The following MTO1 variants were observed in gnomAD, a reference collection of about 807,000 sequenced individuals.
MTO1 encodes 5-taurinomethyluridine-[tRNA] synthase subunit MTO1, mitochondrial.
In MTO1, 46 loss-of-function variants were observed where a neutral mutation model predicts 71.6. That is an observed-to-expected ratio of 0.64 (90% CI 0.51 to 0.82). The LOEUF is 0.82. MTO1 is among the 40% of genes least tolerant of loss of function. MTO1 has a pLI of 0.00. For missense variants in MTO1, 773 were observed against 867.5 expected, an observed-to-expected ratio of 0.89 and a Z score of 1.37; for synonymous variants, 297 against 312.1, an observed-to-expected ratio of 0.95 and a Z score of 0.51.
chr6:73,493,633 C>T (rs1251419948), intron 10 of MTO1, among the ~76,000 whole-genome samples: 6 of 150,786 alleles, frequency 4.0e-5, no homozygotes, highest in African/African-American at 1.2e-4. Flanking sequence ...TCAGGTGATC[C>T]GCCCGCCTTG....
At position 73,505,647 on chromosome 6, in the gene MTO1, C is replaced by T. The variant is rs868680439; in HGVS notation, c.*4912C>T. The T allele has an allele frequency of 6.6e-6, 1 of 152,122 alleles. No individual in the cohort carries two copies. Among genetic ancestry groups the T allele is most frequent in the South Asian group, 2.1e-4 (1 of 4,826 alleles). The allele number at this position is 152,122 out of a possible 1,614,324, so 9.4% of individuals were successfully genotyped here. On this transcript the variant is annotated 3_prime_UTR_variant, in exon 12 of 12. Transcript: ENST00000498286. ...CTTGGTTCACTGCAACCTCTGCCTC[C>T]TAGGTTCAAATGATTCTTCTGCCTC...
In MTO1 at chr6:73,466,268, G is replaced by A. The variant is rs1770984368; in HGVS notation, c.277G>A (p.Val93Ile). Residue 93 changes from valine (V) to isoleucine (I), a missense_variant, in exon 2 of 12, where the codon GTA becomes ATA. By Grantham distance (29) the Val-to-Ile change is conservative. Coordinates refer to ENST00000498286, the MANE Select transcript of MTO1 (RefSeq NM_012123.4). Reference sequence around the variant, plus strand: ...CGGAAAGGGACATTTAATGAGGGAAGTAGATGCCTTGGATGGCCTGTGTTC... The same window carrying A: ...CGGAAAGGGACATTTAATGAGGGAAATAGATGCCTTGGATGGCCTGTGTTC... ...GIGKGHLMRE[V>I]DALDGLCSRI... The A allele has an allele frequency of 3.1e-6, 5 of 1,614,014 alleles. No individual in the cohort carries two copies. The highest frequency in any genetic ancestry group is 3.4e-6 in the Non-Finnish European group (4 of 1,179,978).
chr6:73,478,581 A>G (rs1771398318), intron 4 of MTO1, among the ~76,000 whole-genome samples: 1 of 152,184 alleles, frequency 6.6e-6, no homozygotes, highest in Non-Finnish European at 1.5e-5. Context: ...TGCCCAGGCT[A>G]GAGTGCAATG....
intron 11 of MTO1, 63 bp downstream of exon 11, chr6:73,497,959 T>A: frequency 6.9e-7 from 1 of 1,442,644 alleles, no homozygotes. Flanking sequence ...TTTAATTTTT[T>A]AAACCTGGGG....
chr6:73,500,662 C>T lies in MTO1; in HGVS notation c.2006C>T (p.Ser669Leu), dbSNP rs377512595. The change falls in exon 12 of 12, where the codon TCG becomes TTG. Residue 669 changes from serine to leucine, a missense_variant. Ser to Leu is a moderately radical substitution (Grantham distance 145). Coordinates refer to ENST00000498286, the MANE Select transcript of MTO1 (RefSeq NM_012123.4). ...RFVKTTQRRQ[S>L]AMNESSKTDQ... ...GTGAAGACCACTCAACGAAGACAGT[C>T]GGCTATGAATGAATCATCCAAGACT... 26 of 1,613,696 alleles carry T rather than the reference C, an allele frequency of 1.6e-5. No homozygotes were observed. The highest frequency in any genetic ancestry group is 6.7e-5 in the African/African-American group (5 of 74,912).
chr6:73,470,980 C>G (rs925292224), intron 3 of MTO1, among the ~76,000 whole-genome samples: 1 of 151,938 alleles, frequency 6.6e-6, no homozygotes, highest in African/African-American at 2.4e-5. Context: ...TAGTCTGTCT[C>G]CTTCACTTTG....
chr6:73,499,830 ACTG>A (rs941440776), intron 11 of MTO1, among the ~76,000 whole-genome samples: 1 of 152,236 alleles, frequency 6.6e-6, no homozygotes, highest in African/African-American at 2.4e-5. Context: ...TGGTCTTTAT[ACTG>A]TTCAGAGTGA....
intron 9 of MTO1, among the ~76,000 whole-genome samples, chr6:73,489,421 G>A (rs1771745987): frequency 6.6e-6 from 1 of 150,644 alleles, no homozygotes; most frequent in African/African-American, 2.4e-5. Flanking sequence ...ATCTCCTAAT[G>A]CTATCCCTCA....
Position 73,461,906 on chromosome 6 carries a change from C to G in MTO1, c.52C>G (p.Gln18Glu), listed in dbSNP as rs978768242. 1 of 1,614,228 alleles carries G rather than the reference C, an allele frequency of 6.2e-7. No homozygotes were observed. Among genetic ancestry groups the G allele is most frequent in the Non-Finnish European group, 8.5e-7 (1 of 1,180,018 alleles). ...GRWVAVSFTK[Q>E]QFPLARLSSD... Reference sequence around the variant, plus strand: ...TTGGGTCGCGGTTTCCTTCACCAAGCAGCAATTTCCGTTGGCACGGTTGAG... The same window carrying G: ...TTGGGTCGCGGTTTCCTTCACCAAGGAGCAATTTCCGTTGGCACGGTTGAG... Residue 18 changes from glutamine to glutamate, a missense_variant, in exon 1 of 12, where the codon CAG (glutamine) becomes GAG (glutamate). Transcript: ENST00000498286.
intron 4 of MTO1, among the ~76,000 whole-genome samples, chr6:73,479,118 AC>A (rs1181860948): frequency 1.4e-5 from 2 of 146,056 alleles, no homozygotes; most frequent in Non-Finnish European, 3.0e-5. Flanking sequence ...CAAACTTCTG[AC>A]CTCGTGCTCC....
In MTO1 at chr6:73,466,201, A is replaced by G; in HGVS notation, c.218-8A>G. On this transcript the variant is annotated splice_region_variant and splice_polypyrimidine_tract_variant and intron_variant, in intron 1 of 11. Coordinates refer to ENST00000498286, the MANE Select transcript of MTO1 (RefSeq NM_012123.4). ...TATATTTATTTTGTTTATGTCTATT[A>G]TCTTTAGGTCAGATGTCATGTAATC... 6.2e-7 allele frequency: 1 copy of G among 1,606,172 alleles called. No individual in the cohort carries two copies.
intron 7 of MTO1, 102 bp from the exon 8 acceptor site, chr6:73,481,938 C>A: frequency 7.7e-7 from 1 of 1,291,640 alleles, no homozygotes; most frequent in Non-Finnish European, 1.1e-6. Context: ...GCAATACTTG[C>A]TTTCTTCCTG....
intron 7 of MTO1, among the ~76,000 whole-genome samples, chr6:73,481,306 G>C (rs192624416): frequency 4.1e-4 from 63 of 152,112 alleles, no homozygotes; most frequent in Admixed American, 3.6e-3. Flanking sequence ...CTGAGCTCCT[G>C]TGTGATATCA....
chr6:73,477,078 C>T (rs1390991404), intron 4 of MTO1, among the ~76,000 whole-genome samples: 2 of 150,410 alleles, frequency 1.3e-5, no homozygotes, highest in Non-Finnish European at 3.0e-5. Flanking sequence ...TGAGCCACTG[C>T]GCCTGACCAA....
intron 3 of MTO1, chr6:73,471,605 T>G: frequency 3.3e-6 from 1 of 304,426 alleles, no homozygotes; most frequent in East Asian, 1.1e-4. Flanking sequence ...TTTGTAGAGA[T>G]GGGGGTCTCA....
At chr6:73,464,369 A>C (rs919874880) in intron 1 of MTO1, among the ~76,000 whole-genome samples, 3 of 152,116 alleles carry the variant, frequency 2.0e-5, no homozygotes, top group African/African-American at 7.2e-5. Flanking sequence ...CACAGAGCTC[A>C]TAAGTGGTAG....
intron 4 of MTO1, among the ~76,000 whole-genome samples, chr6:73,477,035 G>A (rs1055504492): frequency 1.3e-5 from 2 of 151,688 alleles, no homozygotes; most frequent in East Asian, 2.0e-4. Context: ...TGATCTGCCC[G>A]CCTTGGCCTC....
chr6:73,483,641 G>A lies in MTO1; in HGVS notation c.1637+1021G>A, dbSNP rs989798181. Among the ~76,000 whole-genome samples, 20 of 151,982 alleles carry A rather than the reference G, an allele frequency of 1.3e-4. 1 individual carries two copies. Among genetic ancestry groups the A allele is most frequent in the African/African-American group, 4.8e-4 (20 of 41,482 alleles). On this transcript the variant is annotated intron_variant, in intron 9 of 11. Transcript: ENST00000498286. ...CTTTGTTTTTAATTTTTTTGAGATG[G>A]AGTTTCACTCTCCTTGCTCAGGCTA...
rs904203815 is a variant in MTO1 at position 73,506,301 on chromosome 6, G to A, written c.*5566G>A. On this transcript the variant is annotated 3_prime_UTR_variant, in exon 12 of 12. Transcript: ENST00000498286. ...CAAGATGGAAATTTTTATGTTCTTT[G>A]TTTGATATGGTTTGGCTGTGTCCCC... The A allele has an allele frequency of 6.6e-6, 1 of 152,076 alleles. No individual in the cohort carries two copies. Among genetic ancestry groups the A allele is most frequent in the South Asian group, 2.1e-4 (1 of 4,822 alleles). The allele number at this position is 152,076 out of a possible 1,614,324, so 9.4% of individuals were successfully genotyped here. A position where few individuals can be genotyped will look rare whatever the true frequency, so the allele number is the denominator to read the frequency against.
Sources: allele counts gnomAD v4.1 joint callset (sites outside exome capture counted in the v4.1 genomes callset), GRCh38; gene constraint gnomAD v4.1.1; transcripts MANE v1.5; gene names NCBI Gene and HGNC (gene_info 2026-07-23, HGNC 2026-07-21).